The following TTC33 variants were observed in gnomAD, a reference collection of about 807,000 sequenced individuals.
The protein encoded by TTC33 is tetratricopeptide repeat domain 33.
TTC33 carries 24 observed loss-of-function variants against 29.4 expected under a neutral mutation model. The ratio of observed to expected loss-of-function variants is 0.82; its 90% CI spans 0.59 to 1.15. The LOEUF is 1.15. Among genes scored for constraint, TTC33 ranks in the 50% most tolerant of loss-of-function variants. TTC33 has a pLI of 0.00. For synonymous variants in TTC33, 107 were observed against 100.3 expected, an observed-to-expected ratio of 1.07 and a Z score of -0.40; for missense variants, 286 against 310.4, an observed-to-expected ratio of 0.92 and a Z score of 0.59.
At chr5:40,734,994 A>G (rs1742513770) in intron 2 of TTC33, among the ~76,000 whole-genome samples, 1 of 152,240 alleles carries the variant, frequency 6.6e-6, no homozygotes, top group South Asian at 2.1e-4. Context: ...TGAGTGACAA[A>G]ACGTGGTCAG....
At position 40,715,885 on chromosome 5, in the gene TTC33, A is replaced by T; in HGVS notation, c.*260T>A. 2.8e-6 allele frequency: 1 copy of T among 361,106 alleles called. No homozygotes were observed. Among genetic ancestry groups the T allele is most frequent in the Non-Finnish European group, 4.9e-6 (1 of 202,116 alleles). 22.4% of individuals were successfully genotyped at this position (361,106 alleles called of 1,614,324 possible). A position where few individuals can be genotyped will look rare whatever the true frequency, so the allele number is the denominator to read the frequency against. ...TTGTCTTTAAAATGTATTCATTTAC[A>T]TATTCAGATTAAACTAAGTTTATTA... is the stretch of plus-strand genomic sequence containing the variant. On this transcript the variant is annotated 3_prime_UTR_variant, in exon 5 of 5. Transcript: ENST00000337702.
intron 4 of TTC33, among the ~76,000 whole-genome samples, chr5:40,725,715 A>T (rs1292225196): frequency 1.3e-5 from 2 of 148,326 alleles, no homozygotes; most frequent in Admixed American, 6.7e-5. Context: ...TAAATCCCTT[A>T]TGTATTCCTT....
intron 4 of TTC33, among the ~76,000 whole-genome samples, chr5:40,724,853 ATTT>A (rs369051268): frequency 2.8e-4 from 39 of 138,130 alleles, no homozygotes; most frequent in Admixed American, 3.6e-4. Context: ...TTACAAGTGG[ATTT>A]TTTTTTTTTT....
intron 2 of TTC33, among the ~76,000 whole-genome samples, chr5:40,741,435 CA>C (rs1012722604): frequency 6.6e-6 from 1 of 152,192 alleles, no homozygotes; most frequent in African/African-American, 2.4e-5. Context: ...TACAACTTCT[CA>C]GTCATTTTCC....
rs1291354431 is a variant in TTC33 at position 40,714,352 on chromosome 5, T to C, written c.*1793A>G. Reference sequence around the variant, plus strand: ...CATTTACTGAAATAGCTGGCATTACTTCATGTGTGAGGCACCATGCAAGGT... The same window carrying C: ...CATTTACTGAAATAGCTGGCATTACCTCATGTGTGAGGCACCATGCAAGGT... On this transcript the variant is annotated 3_prime_UTR_variant, in exon 5 of 5. Coordinates refer to ENST00000337702, the MANE Select transcript of TTC33 (RefSeq NM_012382.3). 1 of 152,264 alleles carries C rather than the reference T, an allele frequency of 6.6e-6. No individual in the cohort carries two copies. The highest frequency in any genetic ancestry group is 6.5e-5 in the Admixed American group (1 of 15,282). 9.4% of individuals were successfully genotyped at this position (152,264 alleles called of 1,614,324 possible).
chr5:40,718,974 TA>T (rs1325442757), intron 4 of TTC33, among the ~76,000 whole-genome samples: 1 of 152,144 alleles, frequency 6.6e-6, no homozygotes, highest in Non-Finnish European at 1.5e-5. Context: ...AATATTCTAA[TA>T]AAAATCCACC....
At position 40,716,426 on chromosome 5, in the gene TTC33, A is replaced by G. The variant is rs750121782; in HGVS notation, c.508T>C (p.Trp170Arg). ...NPEIWKEDLSWARTLQEQQKV... is the reference protein window; with the variant it reads ...NPEIWKEDLSRARTLQEQQKV... ...TGCTGCTCCTGGAGCGTTCTTGCCC[A>G]AGAGAGGTCTTCTTTCCATATTTCA... The change falls in exon 5 of 5, where the codon TGG (tryptophan) becomes CGG (arginine). Residue 170 changes from tryptophan to arginine, a missense_variant. By Grantham distance (101) the Trp-to-Arg change is moderately radical. Transcript: ENST00000337702. The G allele has an allele frequency of 1.9e-6, 3 of 1,613,796 alleles. No homozygotes were observed. Among genetic ancestry groups the G allele is most frequent in the South Asian group, 2.2e-5 (2 of 91,074 alleles).
At chr5:40,747,226 T>C (rs1289803105) in intron 1 of TTC33, among the ~76,000 whole-genome samples, 4 of 151,878 alleles carry the variant, frequency 2.6e-5, no homozygotes, top group South Asian at 2.1e-4. Context: ...ACCGGCTAAT[T>C]TTTGTATTTT....
In TTC33 at chr5:40,713,071, A is replaced by G. The variant is rs187664187; in HGVS notation, c.*3074T>C. On this transcript the variant is annotated 3_prime_UTR_variant, in exon 5 of 5. Coordinates refer to ENST00000337702, the MANE Select transcript of TTC33 (RefSeq NM_012382.3). ...CAGTCCTAAAATTCTTTATTATCAAATACATCAGTTTAATAATAATCTCTA... is the reference window on the plus strand; with the variant it reads ...CAGTCCTAAAATTCTTTATTATCAAGTACATCAGTTTAATAATAATCTCTA... Among the ~76,000 whole-genome samples the G allele has an allele frequency of 1.6e-4, 25 of 152,212 alleles. No homozygotes were observed. The highest frequency in any genetic ancestry group is 7.9e-4 in the Admixed American group (12 of 15,270).
At chr5:40,750,537 C>T (rs1163063417) in intron 1 of TTC33, among the ~76,000 whole-genome samples, 5 of 151,996 alleles carry the variant, frequency 3.3e-5, no homozygotes, top group East Asian at 3.9e-4. Flanking sequence ...CACCCTGGCA[C>T]CCTGGGTGAC....
At chr5:40,722,674 C>T (rs78927278) in intron 4 of TTC33, among the ~76,000 whole-genome samples, 1 of 151,836 alleles carries the variant, frequency 6.6e-6, no homozygotes, top group African/African-American at 2.4e-5. Context: ...GCCCCACAGC[C>T]GCCCAGTCTG....
At chr5:40,749,186 TA>T (rs1216892024) in intron 1 of TTC33, among the ~76,000 whole-genome samples, 3 of 152,182 alleles carry the variant, frequency 2.0e-5, no homozygotes, top group Non-Finnish European at 2.9e-5. Flanking sequence ...GGATAAATGA[TA>T]AAACAAAGTT....
At chr5:40,737,153 C>T (rs1176198683) in intron 2 of TTC33, among the ~76,000 whole-genome samples, 1 of 152,076 alleles carries the variant, frequency 6.6e-6, no homozygotes. Context: ...AAAAATCAGC[C>T]AGGCATGGTG....
chr5:40,715,036 T>C lies in TTC33; in HGVS notation c.*1109A>G, dbSNP rs1368512636. 6.6e-6 allele frequency: 1 copy of C among 152,098 alleles called. No homozygotes were observed. Among genetic ancestry groups the C allele is most frequent in the Non-Finnish European group, 1.5e-5 (1 of 67,938 alleles). 9.4% of individuals were successfully genotyped at this position (152,098 alleles called of 1,614,324 possible). ...ACTTTCAATAAAATTTTTTTTAATATAGCCTTTTCATACTCATGAGATTGT... is the reference window on the plus strand; with the variant it reads ...ACTTTCAATAAAATTTTTTTTAATACAGCCTTTTCATACTCATGAGATTGT... On this transcript the variant is annotated 3_prime_UTR_variant, in exon 5 of 5. Coordinates refer to ENST00000337702, the MANE Select transcript of TTC33 (RefSeq NM_012382.3).
chr5:40,745,811 C>T (rs1011930476), intron 2 of TTC33, among the ~76,000 whole-genome samples: 15 of 151,684 alleles, frequency 9.9e-5, no homozygotes, highest in South Asian at 4.2e-4. Context: ...CATAGCTCAC[C>T]GCATCCTCGA....
At chr5:40,736,175 TAGGCACAAATACAGTA>T (rs1742546289) in intron 2 of TTC33, among the ~76,000 whole-genome samples, 1 of 152,156 alleles carries the variant, frequency 6.6e-6, no homozygotes, top group African/African-American at 2.4e-5. Context: ...ACAGATCATA[TAGGCACAAATACAGTA>T]AGGTTGGAAG....
At chr5:40,730,407 A>C in intron 2 of TTC33, 64 bp from the exon 3 acceptor site, 2 of 1,363,272 alleles carry the variant, frequency 1.5e-6, no homozygotes, top group Non-Finnish European at 2.1e-6. Context: ...TTTCAAAAAA[A>C]AATTTTTATT....
At position 40,716,035 on chromosome 5, in the gene TTC33, A is replaced by G; in HGVS notation, c.*110T>C. 3.3e-6 allele frequency: 3 copies of G among 903,672 alleles called. No individual in the cohort carries two copies. The highest frequency in any genetic ancestry group is 2.7e-5 in the East Asian group (1 of 37,370). 56.0% of individuals were successfully genotyped at this position (903,672 alleles called of 1,614,324 possible). A position where few individuals can be genotyped will look rare whatever the true frequency, so the allele number is the denominator to read the frequency against. ...TTTTTATATGCCTCATCTGAAAAAC[A>G]TATTTTACAACCAGGCGTTCTCCTA... On this transcript the variant is annotated 3_prime_UTR_variant, in exon 5 of 5. Coordinates refer to ENST00000337702, the MANE Select transcript of TTC33 (RefSeq NM_012382.3).
intron 3 of TTC33, 37 bp from the exon 4 acceptor site, chr5:40,728,513 T>C: frequency 6.4e-7 from 1 of 1,556,746 alleles, no homozygotes; most frequent in South Asian, 1.2e-5. Flanking sequence ...CTGTCAGTAA[T>C]ATTCATAAAC....
Sources: allele counts gnomAD v4.1 joint callset (sites outside exome capture counted in the v4.1 genomes callset), GRCh38; gene constraint gnomAD v4.1.1; transcripts MANE v1.5; gene names NCBI Gene and HGNC (gene_info 2026-07-23, HGNC 2026-07-21).